RASGEF1C: variants seen among roughly 807,000 people sequenced by gnomAD.
RASGEF1C encodes the protein ras-GEF domain-containing family member 1C.
RASGEF1C carries 27 observed loss-of-function variants against 58.1 expected under a neutral mutation model. The observed-to-expected ratio is 0.46, with a 90% confidence interval of 0.34 to 0.64. The LOEUF (loss-of-function observed/expected upper bound fraction) is 0.64, where lower values mean the gene tolerates loss of function less well. RASGEF1C is among the 30% of genes least tolerant of loss of function. The pLI is 0.01. For missense variants in RASGEF1C, 502 were observed against 605.1 expected, an observed-to-expected ratio of 0.83 and a Z score of 1.79; for synonymous variants, 243 against 246.3, an observed-to-expected ratio of 0.99 and a Z score of 0.13.
At chr5:180,206,212 A>T (rs1756485321) in intron 1 of RASGEF1C, among the ~76,000 whole-genome samples, 1 of 152,240 alleles carries the variant, frequency 6.6e-6, no homozygotes, top group South Asian at 2.1e-4. Flanking sequence ...CCTTTTAAAT[A>T]AATGGCTTTG....
chr5:180,114,617 C>A, intron 10 of RASGEF1C, 76 bp from the exon 11 acceptor site: 1 of 1,388,070 alleles, frequency 7.2e-7, no homozygotes, highest in East Asian at 2.5e-5. Flanking sequence ...GCAGCCTTGC[C>A]AGCAGATAGC....
intron 12 of RASGEF1C, among the ~76,000 whole-genome samples, chr5:180,108,844 G>A (rs1765909858): frequency 6.6e-6 from 1 of 152,142 alleles, no homozygotes; most frequent in South Asian, 2.1e-4. Context: ...GTACATCCTA[G>A]GTCTCTTACC....
chr5:180,110,147 C>G (rs1423318069), intron 12 of RASGEF1C, among the ~76,000 whole-genome samples: 1 of 152,068 alleles, frequency 6.6e-6, no homozygotes, highest in East Asian at 1.9e-4. Flanking sequence ...TCACATCACC[C>G]CGCTTTCCAG....
chr5:180,144,111 C>T (rs550060380), intron 1 of RASGEF1C, among the ~76,000 whole-genome samples: 3 of 152,322 alleles, frequency 2.0e-5, no homozygotes, highest in Admixed American at 6.5e-5. Context: ...GGCCAGCACT[C>T]GCCACGGGGA....
chr5:180,107,002 A>C (rs1248894122), intron 12 of RASGEF1C, among the ~76,000 whole-genome samples: 1 of 152,186 alleles, frequency 6.6e-6, no homozygotes, highest in Non-Finnish European at 1.5e-5. Flanking sequence ...TGACCCTATT[A>C]TTACTGTATA....
intron 1 of RASGEF1C, among the ~76,000 whole-genome samples, chr5:180,163,231 C>CTTTTTTTTTTTT (rs1220517606): frequency 2.1e-4 from 4 of 19,454 alleles, no homozygotes; most frequent in African/African-American, 5.2e-4. Flanking sequence ...CACCCCCTCA[C>CTTTTTTTTTTTT]TTTTTTTTTT....
intron 10 of RASGEF1C, chr5:180,115,141 A>G (rs1766041554): frequency 3.3e-6 from 1 of 299,830 alleles, no homozygotes; most frequent in Admixed American, 4.0e-5. Context: ...CAGCCTCCCG[A>G]GTAGCTGGGA....
chr5:180,103,280 T>C lies in RASGEF1C; in HGVS notation c.1304-1137A>G, dbSNP rs189087399. On this transcript the variant is annotated intron_variant, in intron 12 of 13. Transcript: ENST00000361132. ...TTTTAGTAGAGATGGGGTTTCACCG[T>C]GTTAGCCAGGATGGTCTCGATCTCC... 3.4e-3 allele frequency among the ~76,000 whole-genome samples: 522 copies of C among 152,304 alleles called. 2 individuals are homozygous for C. Among genetic ancestry groups the C allele is most frequent in the Middle Eastern group, 6.8e-3 (2 of 294 alleles).
At chr5:180,145,975 T>C (rs1171923684) in intron 1 of RASGEF1C, among the ~76,000 whole-genome samples, 1 of 152,264 alleles carries the variant, frequency 6.6e-6, no homozygotes, top group Non-Finnish European at 1.5e-5. Flanking sequence ...GATTTGTAAA[T>C]ATCTTCTCCT....
At chr5:180,124,624 G>T (rs2113261244) in intron 6 of RASGEF1C, among the ~76,000 whole-genome samples, 1 of 150,730 alleles carries the variant, frequency 6.6e-6, no homozygotes, top group South Asian at 2.1e-4. Context: ...CGGGAGTTCG[G>T]GAACAGCCTG....
chr5:180,149,701 G>A (rs568965932), intron 1 of RASGEF1C, among the ~76,000 whole-genome samples: 29 of 151,878 alleles, frequency 1.9e-4, no homozygotes, highest in African/African-American at 6.0e-4. Context: ...CGATCCACCC[G>A]CCTCGGCCTC....
chr5:180,102,926 C>A (rs1351660613), intron 12 of RASGEF1C, among the ~76,000 whole-genome samples: 2 of 152,216 alleles, frequency 1.3e-5, no homozygotes, highest in Non-Finnish European at 2.9e-5. Context: ...TCGTCTCTAT[C>A]TTACAAAGAG....
intron 1 of RASGEF1C, among the ~76,000 whole-genome samples, chr5:180,165,579 G>A (rs1767008152): frequency 1.3e-5 from 2 of 151,214 alleles, no homozygotes. Flanking sequence ...GCTGAGGCAG[G>A]AGAATCACTT....
intron 1 of RASGEF1C, among the ~76,000 whole-genome samples, chr5:180,181,619 C>A (rs1279525404): frequency 6.6e-6 from 1 of 152,212 alleles, no homozygotes; most frequent in Non-Finnish European, 1.5e-5. Flanking sequence ...CAGAAGATTT[C>A]TAACAAGCCG....
intron 6 of RASGEF1C, among the ~76,000 whole-genome samples, chr5:180,124,124 C>T (rs1186703049): frequency 3.3e-5 from 5 of 151,924 alleles, no homozygotes; most frequent in Admixed American, 6.6e-5. Flanking sequence ...AGAAAATACT[C>T]GGGAGGCTGA....
chr5:180,102,188 A>G (rs1485370783), intron 12 of RASGEF1C, 45 bp from the exon 13 acceptor site: 2 of 1,188,180 alleles, frequency 1.7e-6, no homozygotes, highest in Non-Finnish European at 2.5e-6. Flanking sequence ...GGTTGATGAT[A>G]ATAACCTGTT....
chr5:180,113,311 TGGACGGAGGGACCGG>T (rs1286042323), intron 11 of RASGEF1C, among the ~76,000 whole-genome samples: 1 of 61,958 alleles, frequency 1.6e-5, no homozygotes, highest in African/African-American at 6.6e-5. Flanking sequence ...GGACCGGGGA[TGGACGGAGGGACCGG>T]GGATGGACGG....
chr5:180,199,269 G>T (rs895479757), intron 1 of RASGEF1C, among the ~76,000 whole-genome samples: 6 of 152,196 alleles, frequency 3.9e-5, no homozygotes, highest in African/African-American at 1.4e-4. Flanking sequence ...GGGAGAAAAT[G>T]GACGCAAGCT....
chr5:180,117,997 A>G lies in RASGEF1C; in HGVS notation c.1083+612T>C, dbSNP rs1463351348. 4.9e-4 allele frequency among the ~76,000 whole-genome samples: 9 copies of G among 18,402 alleles called. 1 individual carries two copies. The South Asian group carries it at 0.083, about 170-fold the overall frequency. The allele number at this position is 18,402 out of a possible 152,430, so 12.1% of individuals were successfully genotyped here. A position where few individuals can be genotyped will look rare whatever the true frequency, so the allele number is the denominator to read the frequency against. On this transcript the variant is annotated intron_variant, in intron 10 of 13. Coordinates refer to ENST00000361132, the MANE Select transcript of RASGEF1C (RefSeq NM_175062.4). ...CGACAGAGAGAGACTCCATCTCCAA[A>G]AAAAAAAAAAAAAAAAAATACGAGC...
Sources: gnomAD v4.1 joint callset for allele counts (sites outside exome capture counted in the v4.1 genomes callset) on GRCh38, gnomAD v4.1.1 for gene constraint, MANE v1.5 for transcripts, NCBI Gene and HGNC (gene_info 2026-07-23, HGNC 2026-07-21) for gene names.